NEMP2: variants seen among roughly 807,000 people sequenced by gnomAD.
The protein encoded by NEMP2 is nuclear envelope integral membrane protein 2.
Under a neutral mutation model 54.2 loss-of-function variants are expected in NEMP2, and 53 were observed. That is an observed-to-expected ratio of 0.98 (90% CI 0.78 to 1.23). The LOEUF is 1.23. NEMP2 is among the 50% of genes most tolerant of loss of function. The pLI is 0.00. For missense variants in NEMP2, 455 were observed against 511.3 expected, an observed-to-expected ratio of 0.89 and a Z score of 1.06; for synonymous variants, 197 against 190.3, an observed-to-expected ratio of 1.04 and a Z score of -0.29.
downstream of NEMP2, chr2:190,499,838 A>T: frequency 6.5e-7 from 1 of 1,544,422 alleles, no homozygotes; most frequent in Non-Finnish European, 8.7e-7. The surrounding 1 kb of genome is among the most constrained non-coding windows in gnomAD (Gnocchi z 6.0). Flanking sequence ...GCAGTTGCAC[A>T]TAGGAAAGGA....
the NEMP2 span, among the ~76,000 whole-genome samples, chr2:190,606,434 A>AG: frequency 6.6e-6 from 1 of 152,222 alleles, no homozygotes; most frequent in Admixed American, 6.5e-5. Context: ...ACAAGAGGCC[A>AG]GGCATGGTGG....
chr2:190,476,923 A>T, the NEMP2 span, among the ~76,000 whole-genome samples: 1 of 152,000 alleles, frequency 6.6e-6, no homozygotes, highest in South Asian at 2.1e-4. Context: ...ATGAAGCTGG[A>T]AACCATCATT....
At chr2:190,580,056 G>C in the NEMP2 span, among the ~76,000 whole-genome samples, 1 of 152,102 alleles carries the variant, frequency 6.6e-6, no homozygotes, top group Non-Finnish European at 1.5e-5. This position sits in a 1 kb window ranked among gnomAD's most constrained non-coding sequence, Gnocchi z 5.3. Context: ...TTTGAATCAC[G>C]TGGGGATCTA....
chr2:190,582,732 A>G, the NEMP2 span, among the ~76,000 whole-genome samples: 1 of 152,222 alleles, frequency 6.6e-6, no homozygotes. The surrounding 1 kb of genome is among the most constrained non-coding windows in gnomAD (Gnocchi z 4.6). Flanking sequence ...TTCTTAAAAG[A>G]GTGCTCTGTG....
the NEMP2 span, among the ~76,000 whole-genome samples, chr2:190,492,813 C>A: frequency 6.6e-6 from 1 of 151,934 alleles, no homozygotes; most frequent in Non-Finnish European, 1.5e-5. The surrounding 1 kb of genome is among the most constrained non-coding windows in gnomAD (Gnocchi z 5.2). Flanking sequence ...CCAAGAACTA[C>A]CAAGCCAGAA....
At chr2:190,492,752 G>A in the NEMP2 span, among the ~76,000 whole-genome samples, 4 of 151,982 alleles carry the variant, frequency 2.6e-5, no homozygotes, top group East Asian at 7.7e-4. This position sits in a 1 kb window ranked among gnomAD's most constrained non-coding sequence, Gnocchi z 5.2. Flanking sequence ...CAAATGCTGA[G>A]AGAATTCACC....
At chr2:190,498,728 A>G in the NEMP2 span, among the ~76,000 whole-genome samples, 289 of 152,360 alleles carry the variant, frequency 1.9e-3, 1 homozygote, top group African/African-American at 4.1e-3. This position sits in a 1 kb window ranked among gnomAD's most constrained non-coding sequence, Gnocchi z 5.9. Context: ...AACAGGAGAA[A>G]GGATGATTTT....
the NEMP2 span, among the ~76,000 whole-genome samples, chr2:190,427,503 T>A: frequency 1.3e-5 from 2 of 152,358 alleles, no homozygotes; most frequent in Admixed American, 1.3e-4. Context: ...GCTTTTTGTT[T>A]GCACCTATCT....
At chr2:190,622,365 G>C in the NEMP2 span, among the ~76,000 whole-genome samples, 1 of 151,884 alleles carries the variant, frequency 6.6e-6, no homozygotes, top group Non-Finnish European at 1.5e-5. Flanking sequence ...CTATAGTCAT[G>C]CCACAGCACT....
At chr2:190,576,256 C>T in the NEMP2 span, among the ~76,000 whole-genome samples, 1 of 152,180 alleles carries the variant, frequency 6.6e-6, no homozygotes, top group African/African-American at 2.4e-5. Context: ...CAAAAGTGAG[C>T]CAGCATGCCC....
At chr2:190,456,491 G>A in the NEMP2 span, among the ~76,000 whole-genome samples, 2 of 152,000 alleles carry the variant, frequency 1.3e-5, no homozygotes, top group African/African-American at 4.8e-5. This position sits in a 1 kb window ranked among gnomAD's most constrained non-coding sequence, Gnocchi z 5.4. Context: ...CTTTCAACCC[G>A]CTGGTGATAT....
chr2:190,538,788 C>T (rs1691457590), upstream of NEMP2, among the ~76,000 whole-genome samples: 1 of 152,026 alleles, frequency 6.6e-6, no homozygotes, highest in Non-Finnish European at 1.5e-5. The surrounding 1 kb of genome is among the most constrained non-coding windows in gnomAD (Gnocchi z 4.1). Flanking sequence ...AGATCTTTTG[C>T]TTATTTTAAA....
intron 1 of NEMP2, chr2:190,534,349 T>C: frequency 3.3e-6 from 4 of 1,200,462 alleles, no homozygotes; most frequent in African/African-American, 1.6e-5. Flanking sequence ...AATTACAAAA[T>C]GTCCAACTGC....
the NEMP2 span, among the ~76,000 whole-genome samples, chr2:190,577,450 CTTA>C: frequency 2.0e-5 from 3 of 152,046 alleles, no homozygotes; most frequent in East Asian, 3.8e-4. This position sits in a 1 kb window ranked among gnomAD's most constrained non-coding sequence, Gnocchi z 4.8. Context: ...TTCACATGTT[CTTA>C]TTATGGAATG....
At chr2:190,468,572 C>T in the NEMP2 span, among the ~76,000 whole-genome samples, 1 of 151,478 alleles carries the variant, frequency 6.6e-6, no homozygotes, top group African/African-American at 2.4e-5. Flanking sequence ...CCTACCTCAG[C>T]CTCCCAAGTA....
the NEMP2 span, among the ~76,000 whole-genome samples, chr2:190,498,772 A>G: frequency 1.3e-5 from 2 of 152,156 alleles, no homozygotes; most frequent in Non-Finnish European, 2.9e-5. This position sits in a 1 kb window ranked among gnomAD's most constrained non-coding sequence, Gnocchi z 5.9. Context: ...TATTTTCATT[A>G]CTTTGTGTAC....
chr2:190,580,954 A>G, the NEMP2 span, among the ~76,000 whole-genome samples: 3 of 152,238 alleles, frequency 2.0e-5, no homozygotes, highest in Non-Finnish European at 2.9e-5. The surrounding 1 kb of genome is among the most constrained non-coding windows in gnomAD (Gnocchi z 5.3). Context: ...TTTTACTTCA[A>G]TGAATCAGAA....
intron 1 of NEMP2, among the ~76,000 whole-genome samples, chr2:190,532,032 T>C (rs1445806222): frequency 6.6e-6 from 1 of 152,182 alleles, no homozygotes; most frequent in African/African-American, 2.4e-5. Flanking sequence ...TAAACACTTA[T>C]TAACTTATAT....
chr2:190,466,020 G>T, the NEMP2 span, among the ~76,000 whole-genome samples: 14 of 152,168 alleles, frequency 9.2e-5, no homozygotes, highest in African/African-American at 3.4e-4. Flanking sequence ...AAAAGTCCGA[G>T]ATCAATTGTC....
Sources: gnomAD v4.1 joint callset for allele counts (sites outside exome capture counted in the v4.1 genomes callset) on GRCh38, gnomAD v4.1.1 for gene constraint, Gnocchi (gnomAD v3.1) non-coding constraint, MANE v1.5 for transcripts, NCBI Gene and HGNC (gene_info 2026-07-23, HGNC 2026-07-21) for gene names.